The following ASH1L variants were observed in gnomAD, a reference collection of about 807,000 sequenced individuals.
The protein encoded by ASH1L is ASH1 like histone lysine methyltransferase.
A neutral mutation model predicts 269.0 loss-of-function variants in ASH1L; 23 were observed. The ratio of observed to expected loss-of-function variants is 0.09; its 90% CI spans 0.06 to 0.12. The LOEUF is 0.12. Ranked by LOEUF, ASH1L falls within the 10% of genes least tolerant of loss-of-function variation. The probability of loss-of-function intolerance (pLI) is 1.00; values close to 1 mark genes in which losing one functional copy is unlikely to be tolerated. For missense variants in ASH1L, 2,912 were observed against 3,567.8 expected (o/e 0.82, Z 4.68); for synonymous variants, 1,187 against 1,253.5 (o/e 0.95, Z 1.12).
chr1:155,491,278 T>C (rs1307697543), intron 2 of ASH1L, among the ~76,000 whole-genome samples: 2 of 152,122 alleles, frequency 1.3e-5, no homozygotes, highest in African/African-American at 4.8e-5. Context: ...AAACAAAAGG[T>C]TTTAAAAATT....
At chr1:155,346,573 A>G in intron 20 of ASH1L, 104 bp from the exon 21 acceptor site, 1 of 852,092 alleles carries the variant, frequency 1.2e-6, no homozygotes, top group Non-Finnish European at 1.9e-6. Context: ...GTAAAGTAAA[A>G]GAGGAACTAA....
chr1:155,504,789 G>A (rs185632581), intron 2 of ASH1L, among the ~76,000 whole-genome samples: 388 of 151,584 alleles, frequency 2.6e-3, no homozygotes, highest in Admixed American at 4.3e-3. Context: ...AGGAGGCAGA[G>A]GTTGCAGTGA....
intron 2 of ASH1L, among the ~76,000 whole-genome samples, chr1:155,488,045 C>T (rs1213847991): frequency 6.6e-6 from 1 of 151,928 alleles, no homozygotes; most frequent in Non-Finnish European, 1.5e-5. Context: ...CGCCAGCAGG[C>T]CCAGCTAATT....
intron 3 of ASH1L, among the ~76,000 whole-genome samples, chr1:155,473,014 G>A (rs1665224660): frequency 1.3e-5 from 2 of 152,098 alleles, no homozygotes; most frequent in African/African-American, 4.8e-5. Flanking sequence ...AGTATGTTTT[G>A]TTATTGTATG....
At chr1:155,367,463 T>C (rs1655537084) in intron 12 of ASH1L, among the ~76,000 whole-genome samples, 1 of 152,226 alleles carries the variant, frequency 6.6e-6, no homozygotes, top group South Asian at 2.1e-4. Context: ...ATAATGGTAG[T>C]TAAATTTTTT....
intron 4 of ASH1L, among the ~76,000 whole-genome samples, chr1:155,456,315 T>C (rs936866490): frequency 1.9e-4 from 29 of 152,210 alleles, no homozygotes; most frequent in Non-Finnish European, 2.2e-4. Flanking sequence ...TTAAGTCTCC[T>C]TTCCCTCTTT....
At position 155,336,213 on chromosome 1, in the gene ASH1L, T is replaced by C. The variant is rs1224208033; in HGVS notation, c.*1447A>G. On this transcript the variant is annotated 3_prime_UTR_variant, in exon 28 of 28. Transcript: ENST00000392403. The stretch of plus-strand genomic sequence containing the variant: ...ATGGAAGGTGGTCAATGTGTCTACC[T>C]AAACGAGTCAGAGCATCGTCACCAT... The C allele has an allele frequency of 6.6e-6, 1 of 152,636 alleles. No individual in the cohort carries two copies. The highest frequency in any genetic ancestry group is 1.5e-5 in the Non-Finnish European group (1 of 68,016). 9.5% of individuals were successfully genotyped at this position (152,636 alleles called of 1,614,324 possible).
intron 1 of ASH1L, among the ~76,000 whole-genome samples, chr1:155,534,262 T>C (rs549770759): frequency 6.8e-4 from 102 of 150,464 alleles, no homozygotes; most frequent in African/African-American, 2.3e-3. Flanking sequence ...AGCCTACATT[T>C]TGAGAAACAT....
At chr1:155,433,284 G>A in intron 5 of ASH1L, 1 of 1,568,162 alleles carries the variant, frequency 6.4e-7, no homozygotes, top group Non-Finnish European at 8.6e-7. Flanking sequence ...CCTCGGACCT[G>A]GCTAAGCTTC....
At chr1:155,414,373 G>A (rs570920790) in intron 6 of ASH1L, among the ~76,000 whole-genome samples, 4 of 151,928 alleles carry the variant, frequency 2.6e-5, no homozygotes, top group Admixed American at 6.6e-5. Flanking sequence ...TCAATGGCTC[G>A]ATCTCGGCTC....
At chr1:155,463,385 T>G (rs1664441642) in intron 3 of ASH1L, among the ~76,000 whole-genome samples, 1 of 152,188 alleles carries the variant, frequency 6.6e-6, no homozygotes, top group Non-Finnish European at 1.5e-5. Context: ...GTTACAGCAT[T>G]GTTGTGAGTC....
intron 7 of ASH1L, among the ~76,000 whole-genome samples, chr1:155,387,172 C>T (rs1402005638): frequency 6.6e-6 from 1 of 152,092 alleles, no homozygotes; most frequent in Admixed American, 6.6e-5. Flanking sequence ...TGGGATTTTG[C>T]CATGTTGATC....
chr1:155,474,623 C>T (rs1665387376), intron 3 of ASH1L, among the ~76,000 whole-genome samples: 1 of 152,162 alleles, frequency 6.6e-6, no homozygotes, highest in Admixed American at 6.5e-5. Flanking sequence ...ATGGCTTGAG[C>T]CCAGGAAACA....
chr1:155,416,939 T>C (rs1660261016), intron 5 of ASH1L, among the ~76,000 whole-genome samples: 1 of 150,380 alleles, frequency 6.6e-6, no homozygotes, highest in African/African-American at 2.4e-5. Flanking sequence ...TCTTTTTTTT[T>C]TTTCTTTTTT....
intron 2 of ASH1L, among the ~76,000 whole-genome samples, chr1:155,505,430 G>A (rs375113029): frequency 6.6e-6 from 1 of 151,982 alleles, no homozygotes; most frequent in Non-Finnish European, 1.5e-5. Flanking sequence ...TTTACAGCAC[G>A]TGGAAAAACA....
chr1:155,547,736 G>T (rs1670928721), intron 1 of ASH1L, among the ~76,000 whole-genome samples: 1 of 151,612 alleles, frequency 6.6e-6, no homozygotes, highest in Non-Finnish European at 1.5e-5. Flanking sequence ...AAAAAAAAAG[G>T]CCAGGCACAG....
chr1:155,433,070 C>A, intron 5 of ASH1L: 2 of 1,187,678 alleles, frequency 1.7e-6, no homozygotes, highest in Non-Finnish European at 2.3e-6. Context: ...TGTTTTAAAG[C>A]TTCAATAATT....
intron 1 of ASH1L, among the ~76,000 whole-genome samples, chr1:155,527,986 G>C (rs1263397364): frequency 6.6e-6 from 1 of 152,040 alleles, no homozygotes; most frequent in East Asian, 1.9e-4. Flanking sequence ...TCTACACTCA[G>C]TTCCCAAATG....
At chr1:155,490,772 C>T (rs1666720655) in intron 2 of ASH1L, among the ~76,000 whole-genome samples, 1 of 151,856 alleles carries the variant, frequency 6.6e-6, no homozygotes, top group Admixed American at 6.6e-5. Flanking sequence ...CCCTGTGCAA[C>T]ACAGGGAGAC....
Sources: allele counts gnomAD v4.1 joint callset (sites outside exome capture counted in the v4.1 genomes callset), GRCh38; gene constraint gnomAD v4.1.1; transcripts MANE v1.5; gene names NCBI Gene and HGNC (gene_info 2026-07-23, HGNC 2026-07-21).